The following CRTAC1 variants were observed in gnomAD, a reference collection of about 807,000 sequenced individuals.
CRTAC1 encodes the protein acidic secreted protein in cartilage.
CRTAC1 carries 37 observed loss-of-function variants against 67.8 expected under a neutral mutation model. That is an observed-to-expected ratio of 0.55 (90% confidence interval 0.42 to 0.72). The LOEUF (loss-of-function observed/expected upper bound fraction) is 0.72, where lower values mean the gene tolerates loss of function less well. Ranked by LOEUF, CRTAC1 falls within the 30% of genes least tolerant of loss-of-function variation. CRTAC1 has a pLI of 0.00. For synonymous variants in CRTAC1, 348 were observed against 371.0 expected (o/e 0.94, Z 0.71); for missense variants, 780 against 931.6 (o/e 0.84, Z 2.12).
intron 3 of CRTAC1, among the ~76,000 whole-genome samples, chr10:97,934,786 C>CT (rs920553151): frequency 1.3e-5 from 2 of 152,072 alleles, no homozygotes; most frequent in Admixed American, 1.3e-4. Flanking sequence ...TGGAGGAGCC[C>CT]ACTGCACATT....
At chr10:97,989,168 C>T (rs1842380988) in intron 2 of CRTAC1, among the ~76,000 whole-genome samples, 2 of 152,160 alleles carry the variant, frequency 1.3e-5, no homozygotes, top group African/African-American at 4.8e-5. Flanking sequence ...ACACTGCAGG[C>T]TTTTCTGAAC....
chr10:97,977,798 T>C (rs958964930), intron 2 of CRTAC1, among the ~76,000 whole-genome samples: 1 of 152,160 alleles, frequency 6.6e-6, no homozygotes, highest in African/African-American at 2.4e-5. Flanking sequence ...AATTGATGAG[T>C]ACCTCACGAG....
chr10:97,977,492 A>G (rs999927263), intron 2 of CRTAC1, among the ~76,000 whole-genome samples: 13 of 151,632 alleles, frequency 8.6e-5, no homozygotes, highest in Non-Finnish European at 1.3e-4. Context: ...CTCTGGTAAC[A>G]GTGGCTACTG....
intron 11 of CRTAC1, among the ~76,000 whole-genome samples, chr10:97,885,326 C>A (rs1329025957): frequency 1.3e-5 from 2 of 151,984 alleles, no homozygotes; most frequent in African/African-American, 4.8e-5. Context: ...ATAGTGAGAC[C>A]CTGTTTCTGA....
intron 11 of CRTAC1, among the ~76,000 whole-genome samples, chr10:97,890,144 T>C (rs1032852137): frequency 2.2e-4 from 33 of 151,890 alleles, no homozygotes; most frequent in Non-Finnish European, 1.0e-4. Flanking sequence ...TAAGACAGGC[T>C]CTCACTCTGT....
intron 3 of CRTAC1, among the ~76,000 whole-genome samples, chr10:97,935,483 G>A (rs955790891): frequency 2.0e-5 from 3 of 152,174 alleles, no homozygotes; most frequent in Non-Finnish European, 4.4e-5. Flanking sequence ...CGGGTCAGAA[G>A]TGCAGGGTCT....
At chr10:97,897,204 T>C (rs2136559619) in intron 8 of CRTAC1, among the ~76,000 whole-genome samples, 1 of 152,242 alleles carries the variant, frequency 6.6e-6, no homozygotes, top group South Asian at 2.1e-4. Flanking sequence ...TAAATATTGA[T>C]TTTTCCTTCT....
chr10:97,983,610 C>T (rs2051933263), intron 2 of CRTAC1, among the ~76,000 whole-genome samples: 1 of 152,190 alleles, frequency 6.6e-6, no homozygotes, highest in African/African-American at 2.4e-5. Context: ...GTTTCTCTAT[C>T]AAAAGACACA....
intron 5 of CRTAC1, among the ~76,000 whole-genome samples, chr10:97,911,692 C>G (rs1215068567): frequency 1.3e-5 from 2 of 152,238 alleles, no homozygotes; most frequent in Non-Finnish European, 2.9e-5. Context: ...AGAATCCACC[C>G]ATCATTATGT....
At chr10:97,887,626 G>C (rs527840159) in intron 11 of CRTAC1, among the ~76,000 whole-genome samples, 1 of 152,184 alleles carries the variant, frequency 6.6e-6, no homozygotes, top group Admixed American at 6.5e-5. Context: ...AGATAAGCAG[G>C]CCTCAGAAAG....
At chr10:97,971,390 A>G (rs575183329) in intron 2 of CRTAC1, among the ~76,000 whole-genome samples, 27 of 152,366 alleles carry the variant, frequency 1.8e-4, no homozygotes, top group Non-Finnish European at 3.7e-4. Context: ...GCTAAATGAA[A>G]TAAGTCAGCC....
At chr10:97,973,792 A>G (rs2051753138) in intron 2 of CRTAC1, among the ~76,000 whole-genome samples, 1 of 151,982 alleles carries the variant, frequency 6.6e-6, no homozygotes, top group South Asian at 2.1e-4. Flanking sequence ...TTCTTTTTAG[A>G]CAGTCACTGA....
intron 14 of CRTAC1, among the ~76,000 whole-genome samples, chr10:97,875,094 C>T (rs1004095632): frequency 6.6e-6 from 1 of 152,190 alleles, no homozygotes; most frequent in African/African-American, 2.4e-5. Flanking sequence ...AATAACTTCC[C>T]CAGTGTCAGT....
intron 2 of CRTAC1, among the ~76,000 whole-genome samples, chr10:98,007,987 A>G (rs1407445386): frequency 6.6e-6 from 1 of 152,204 alleles, no homozygotes; most frequent in Non-Finnish European, 1.5e-5. Context: ...AAGGACTGGC[A>G]GGATAAAGAC....
chr10:98,025,300 A>G (rs1843205993), intron 1 of CRTAC1, among the ~76,000 whole-genome samples: 2 of 152,170 alleles, frequency 1.3e-5, no homozygotes, highest in South Asian at 4.1e-4. Flanking sequence ...TAGGATGTTC[A>G]GCAGCATCCC....
Position 97,930,539 on chromosome 10 carries a change from G to C in CRTAC1, c.421+5631C>G, listed in dbSNP as rs1217804529. Among the ~76,000 whole-genome samples the C allele has an allele frequency of 3.9e-5, 6 of 152,270 alleles. No homozygotes were observed. In the East Asian group the frequency reaches 1.2e-3, roughly 29 times the overall value. On this transcript the variant is annotated intron_variant, in intron 3 of 14. Transcript: ENST00000370597. ...TTCTGGTTTTGGAGGTCTGGTGTGGGGCCTAACAGTCTGCATTTTTAAGAG... is the reference window on the plus strand; with the variant it reads ...TTCTGGTTTTGGAGGTCTGGTGTGGCGCCTAACAGTCTGCATTTTTAAGAG...
chr10:97,976,756 A>G (rs554385985), intron 2 of CRTAC1, among the ~76,000 whole-genome samples: 1 of 152,216 alleles, frequency 6.6e-6, no homozygotes, highest in South Asian at 2.1e-4. Flanking sequence ...ATCGCATTCT[A>G]TTTTTCGTAC....
chr10:97,979,976 G>C (rs2051866185), intron 2 of CRTAC1, among the ~76,000 whole-genome samples: 1 of 152,204 alleles, frequency 6.6e-6, no homozygotes, highest in Admixed American at 6.5e-5. Flanking sequence ...CCTGGGGGCT[G>C]TCTCTTCAAC....
At chr10:97,866,473 C>T (rs997452223) in intron 14 of CRTAC1, 2 of 152,230 alleles carry the variant, frequency 1.3e-5, no homozygotes, top group East Asian at 1.9e-4. Flanking sequence ...CCTGAATCTC[C>T]TGAACTACAG....
Sources: gnomAD v4.1 joint callset for allele counts (sites outside exome capture counted in the v4.1 genomes callset) on GRCh38, gnomAD v4.1.1 for gene constraint, MANE v1.5 for transcripts, NCBI Gene and HGNC (gene_info 2026-07-23, HGNC 2026-07-21) for gene names.